ACTR3C: variants seen among roughly 807,000 people sequenced by gnomAD.
ACTR3C encodes the protein actin-related protein 3C.
A neutral mutation model predicts 26.3 loss-of-function variants in ACTR3C; 18 were observed. That is an observed-to-expected ratio of 0.68 (90% CI 0.47 to 1.01). The LOEUF (loss-of-function observed/expected upper bound fraction) is 1.01. Among genes scored for constraint, ACTR3C ranks in the 50% least tolerant of loss-of-function variants. The pLI is 0.00. For missense variants in ACTR3C, 184 were observed against 250.7 expected (o/e 0.73, Z 1.80); for synonymous variants, 55 against 94.5 (o/e 0.58, Z 2.42).
chr7:150,160,749 C>G, the ACTR3C span, among the ~76,000 whole-genome samples: 14 of 152,146 alleles, frequency 9.2e-5, no homozygotes, highest in African/African-American at 3.1e-4. Context: ...CACACCCACT[C>G]TACCTCCTTC....
intron 1 of ACTR3C, among the ~76,000 whole-genome samples, chr7:150,307,457 C>A (rs1795883832): frequency 6.6e-6 from 1 of 152,216 alleles, no homozygotes; most frequent in African/African-American, 2.4e-5. Context: ...TTGTGAAATT[C>A]TTCTTCTGGA....
the ACTR3C span, among the ~76,000 whole-genome samples, chr7:150,098,946 C>T: frequency 6.7e-6 from 1 of 150,198 alleles, no homozygotes; most frequent in Non-Finnish European, 1.5e-5. Context: ...TCAAGCAAAG[C>T]CAATCTGTAG....
chr7:150,297,160 G>C (rs1171943903), intron 1 of ACTR3C, among the ~76,000 whole-genome samples: 2 of 145,352 alleles, frequency 1.4e-5, no homozygotes, highest in Non-Finnish European at 2.9e-5. Flanking sequence ...CCACACTTAA[G>C]AGTCTTCAAG....
the ACTR3C span, among the ~76,000 whole-genome samples, chr7:150,013,946 C>A: frequency 2.6e-5 from 4 of 151,902 alleles, no homozygotes; most frequent in South Asian, 4.2e-4. Flanking sequence ...GAGAGATAAA[C>A]AAGAGGAGGA....
the ACTR3C span, among the ~76,000 whole-genome samples, chr7:150,169,214 T>C: frequency 6.7e-6 from 1 of 149,720 alleles, no homozygotes; most frequent in African/African-American, 2.5e-5. Context: ...ACCCCATCTC[T>C]ACCAAAAATA....
intron 6 of ACTR3C, among the ~76,000 whole-genome samples, chr7:150,277,272 G>A (rs2462086): frequency 1.3e-5 from 2 of 152,054 alleles, no homozygotes; most frequent in African/African-American, 4.8e-5. Context: ...CCAGGAGTTC[G>A]AGACCAGCTT....
the ACTR3C span, among the ~76,000 whole-genome samples, chr7:150,020,581 G>A: frequency 6.6e-6 from 1 of 151,938 alleles, no homozygotes; most frequent in Non-Finnish European, 1.5e-5. Context: ...TTAAAAAGAA[G>A]AAGCCACACC....
At chr7:150,222,082 T>C in the ACTR3C span, among the ~76,000 whole-genome samples, 1 of 152,126 alleles carries the variant, frequency 6.6e-6, no homozygotes, top group East Asian at 1.9e-4. Flanking sequence ...CTTCCGTTAT[T>C]TGCTGATATT....
chr7:150,134,664 G>T, the ACTR3C span, among the ~76,000 whole-genome samples: 2 of 152,414 alleles, frequency 1.3e-5, no homozygotes, highest in African/African-American at 4.8e-5. Context: ...CACCAGAGGG[G>T]TCGCTTTCAT....
the ACTR3C span, among the ~76,000 whole-genome samples, chr7:149,959,823 C>T: frequency 6.6e-6 from 1 of 152,122 alleles, no homozygotes; most frequent in Non-Finnish European, 1.5e-5. Flanking sequence ...TAAGAATGTC[C>T]CCCTAAAGTT....
the ACTR3C span, among the ~76,000 whole-genome samples, chr7:150,152,384 T>A: frequency 3.9e-5 from 6 of 152,204 alleles, no homozygotes; most frequent in Admixed American, 6.5e-5. Flanking sequence ...CTTTTCTGCA[T>A]CTATTGAGAT....
chr7:150,239,800 G>C (rs1348748746), downstream of ACTR3C, among the ~76,000 whole-genome samples: 3 of 150,894 alleles, frequency 2.0e-5, no homozygotes, highest in Non-Finnish European at 2.9e-5. Context: ...CACCCAGATT[G>C]GAGTGCAGTG....
At chr7:149,899,602 T>TAA in the ACTR3C span, among the ~76,000 whole-genome samples, 4 of 118,588 alleles carry the variant, frequency 3.4e-5, no homozygotes, top group South Asian at 2.8e-4. Flanking sequence ...CTGGAAGAAG[T>TAA]AAAAAAAAAA....
At chr7:150,042,382 AG>A in the ACTR3C span, among the ~76,000 whole-genome samples, 16 of 70,612 alleles carry the variant, frequency 2.3e-4, no homozygotes, top group East Asian at 4.4e-3. Flanking sequence ...CTAAGAGCAA[AG>A]GGGGGAAGAG....
chr7:150,025,509 C>G, the ACTR3C span, among the ~76,000 whole-genome samples: 1 of 134,012 alleles, frequency 7.5e-6, no homozygotes, highest in Non-Finnish European at 1.7e-5. Flanking sequence ...CGAAAGCCCC[C>G]TCTCTTTTCC....
the ACTR3C span, among the ~76,000 whole-genome samples, chr7:150,049,308 C>T: frequency 6.6e-6 from 1 of 152,126 alleles, no homozygotes; most frequent in South Asian, 2.1e-4. Flanking sequence ...GTCCCCACGT[C>T]CTCCTTGCGC....
chr7:149,983,365 A>G, the ACTR3C span, among the ~76,000 whole-genome samples: 1 of 148,260 alleles, frequency 6.7e-6, no homozygotes, highest in Non-Finnish European at 1.5e-5. Context: ...AAAACCACAA[A>G]GAGGTATCAC....
At chr7:150,209,763 A>ACACACACACACACAC in the ACTR3C span, among the ~76,000 whole-genome samples, 1 of 148,904 alleles carries the variant, frequency 6.7e-6, no homozygotes, top group East Asian at 2.0e-4. Context: ...ACACACACAC[A>ACACACACACACACAC]AAATTAGCTG....
chr7:150,029,371 G>A, the ACTR3C span, among the ~76,000 whole-genome samples: 1 of 134,668 alleles, frequency 7.4e-6, no homozygotes, highest in Non-Finnish European at 1.5e-5. Context: ...ACCAGGCTGG[G>A]CAACATAGGA....
Sources: allele counts gnomAD v4.1 joint callset (sites outside exome capture counted in the v4.1 genomes callset), GRCh38; gene constraint gnomAD v4.1.1; transcripts MANE v1.5; gene names NCBI Gene and HGNC (gene_info 2026-07-23, HGNC 2026-07-21).